The following ANKFN1 variants were observed in gnomAD, a reference collection of about 807,000 sequenced individuals.
ANKFN1 encodes ankyrin repeat and fibronectin type III domain containing 1.
In ANKFN1, 74 loss-of-function variants were observed where a neutral mutation model predicts 108.7. The ratio of observed to expected loss-of-function variants is 0.68; its 90% CI spans 0.56 to 0.83. ANKFN1 has a LOEUF of 0.83. ANKFN1 is among the 40% of genes least tolerant of loss of function. The pLI is 0.00. For synonymous variants in ANKFN1, 547 were observed against 516.2 expected (o/e 1.06, Z -0.81); for missense variants, 1,505 against 1,382.3 (o/e 1.09, Z -1.41).
chr17:56,381,644 A>G (rs947763828), intron 8 of ANKFN1, among the ~76,000 whole-genome samples: 19 of 152,266 alleles, frequency 1.2e-4, no homozygotes, highest in Non-Finnish European at 2.6e-4. Context: ...AGAATGCAGA[A>G]GCCTCAGGAG....
At chr17:56,452,166 A>T (rs1289983269) in intron 11 of ANKFN1, among the ~76,000 whole-genome samples, 1 of 152,206 alleles carries the variant, frequency 6.6e-6, no homozygotes, top group East Asian at 1.9e-4. Flanking sequence ...TCAACTTGCA[A>T]TACAATAGTA....
At chr17:56,342,003 G>A (rs1301726341) in intron 4 of ANKFN1, among the ~76,000 whole-genome samples, 1 of 151,908 alleles carries the variant, frequency 6.6e-6, no homozygotes, top group Non-Finnish European at 1.5e-5. Flanking sequence ...GGCCTCTTCA[G>A]GGATTCAGTT....
At chr17:56,428,758 G>A (rs181370947) in intron 8 of ANKFN1, among the ~76,000 whole-genome samples, 23 of 152,170 alleles carry the variant, frequency 1.5e-4, no homozygotes, top group Admixed American at 3.9e-4. Flanking sequence ...CCACAGCACC[G>A]GCCCATGGCC....
chr17:56,386,229 C>A (rs1454786400), intron 8 of ANKFN1, among the ~76,000 whole-genome samples: 1 of 151,806 alleles, frequency 6.6e-6, no homozygotes, highest in East Asian at 1.9e-4. Flanking sequence ...GGACAAAAAA[C>A]CAAACACCAT....
intron 4 of ANKFN1, among the ~76,000 whole-genome samples, chr17:56,114,115 T>G (rs1906130758): frequency 6.6e-6 from 1 of 152,204 alleles, no homozygotes; most frequent in Non-Finnish European, 1.5e-5. Context: ...CAAGTCCATG[T>G]TTCCTCCATA....
intron 10 of ANKFN1, among the ~76,000 whole-genome samples, chr17:56,447,652 T>C (rs569790659): frequency 6.6e-6 from 1 of 152,192 alleles, no homozygotes; most frequent in East Asian, 1.9e-4. Context: ...TCATAGGTAA[T>C]CAGCTGATAG....
At chr17:56,119,039 A>T (rs1906445128) in intron 4 of ANKFN1, among the ~76,000 whole-genome samples, 1 of 152,152 alleles carries the variant, frequency 6.6e-6, no homozygotes, top group Non-Finnish European at 1.5e-5. Flanking sequence ...ACAGAAAAAA[A>T]TATGATTTCT....
intron 3 of ANKFN1, among the ~76,000 whole-genome samples, chr17:56,320,392 T>C (rs1458366813): frequency 2.0e-5 from 3 of 152,158 alleles, no homozygotes; most frequent in African/African-American, 7.2e-5. Context: ...TAAGGATAAA[T>C]GGGCTTCATT....
intron 4 of ANKFN1, among the ~76,000 whole-genome samples, chr17:56,099,253 G>A (rs1271253994): frequency 6.6e-6 from 1 of 152,196 alleles, no homozygotes; most frequent in East Asian, 1.9e-4. Flanking sequence ...GAAAAGGATT[G>A]ATGGATCAGA....
chr17:56,415,638 C>T (rs754797042), intron 8 of ANKFN1, among the ~76,000 whole-genome samples: 7 of 152,220 alleles, frequency 4.6e-5, no homozygotes, highest in Non-Finnish European at 7.4e-5. Flanking sequence ...ATCCGTACTA[C>T]CCAAAGCAAT....
At chr17:56,244,072 G>C (rs1400090625) in intron 3 of ANKFN1, among the ~76,000 whole-genome samples, 3 of 152,022 alleles carry the variant, frequency 2.0e-5, no homozygotes, top group Non-Finnish European at 4.4e-5. Flanking sequence ...TTGGAGAGAA[G>C]TTCTGAGTGG....
In ANKFN1 at chr17:56,091,256, C is replaced by T. The variant is rs563807076; in HGVS notation, c.288+44931C>T. ...AAAAATGACAGACATATAATAAAAA[C>T]GTTAATCAAAACTGTAAAACACAAT... On this transcript the variant is annotated intron_variant, in intron 4 of 12. Transcript: ENST00000635860. Among the ~76,000 whole-genome samples the T allele has an allele frequency of 1.3e-3, 195 of 151,044 alleles. 5 individuals carry two copies. Among genetic ancestry groups the T allele is most frequent in the African/African-American group, 3.4e-3 (140 of 41,214 alleles).
intron 4 of ANKFN1, among the ~76,000 whole-genome samples, chr17:56,348,890 G>A (rs1050064239): frequency 1.3e-5 from 2 of 151,996 alleles, no homozygotes; most frequent in Middle Eastern, 3.2e-3. Context: ...TACACCCAAA[G>A]GAATATAAAC....
intron 20 of ANKFN1, among the ~76,000 whole-genome samples, chr17:56,506,578 G>T (rs1463783546): frequency 1.3e-5 from 2 of 151,608 alleles, no homozygotes; most frequent in Non-Finnish European, 2.9e-5. Context: ...AGCTGTAAAA[G>T]AATAAATTTC....
At chr17:56,333,043 C>G (rs2045709023) in intron 4 of ANKFN1, among the ~76,000 whole-genome samples, 1 of 151,014 alleles carries the variant, frequency 6.6e-6, no homozygotes, top group South Asian at 2.1e-4. Context: ...TGTTCAGCAT[C>G]CAGGCTTTTC....
chr17:56,438,881 A>G (rs1347095614), intron 8 of ANKFN1, among the ~76,000 whole-genome samples: 1 of 152,218 alleles, frequency 6.6e-6, no homozygotes, highest in Non-Finnish European at 1.5e-5. Flanking sequence ...GCCAAACATC[A>G]AACTCCCAAG....
At chr17:56,428,695 T>C (rs2048656885) in intron 8 of ANKFN1, among the ~76,000 whole-genome samples, 1 of 152,122 alleles carries the variant, frequency 6.6e-6, no homozygotes, top group Non-Finnish European at 1.5e-5. Context: ...ACTCCTGACC[T>C]TAAGTGATCC....
chr17:56,472,696 TA>T (rs1425049774), intron 15 of ANKFN1: 3 of 152,154 alleles, frequency 2.0e-5, no homozygotes, highest in Non-Finnish European at 4.4e-5. Flanking sequence ...CAAATCAAGG[TA>T]ATACAAGACA....
chr17:56,264,639 C>T (rs748535844), intron 3 of ANKFN1, among the ~76,000 whole-genome samples: 1 of 152,200 alleles, frequency 6.6e-6, no homozygotes, highest in African/African-American at 2.4e-5. Context: ...TCCATACTCA[C>T]AGCTCTTCAG....
Sources: allele counts gnomAD v4.1 joint callset (sites outside exome capture counted in the v4.1 genomes callset), GRCh38; gene constraint gnomAD v4.1.1; transcripts MANE v1.5; gene names NCBI Gene and HGNC (gene_info 2026-07-23, HGNC 2026-07-21).